MEIKIN: variants seen among roughly 807,000 people sequenced by gnomAD.
MEIKIN encodes meiotic kinetochore factor.
At chr5:131,914,157 C>T (rs1751374847) in intron 7 of MEIKIN, among the ~76,000 whole-genome samples, 3 of 152,048 alleles carry the variant, frequency 2.0e-5, no homozygotes, top group Admixed American at 2.0e-4. Flanking sequence ...CAGAGAGTCC[C>T]CATCAGCAAG....
chr5:131,828,514 C>A (rs776863157), intron 11 of MEIKIN, among the ~76,000 whole-genome samples: 1 of 151,892 alleles, frequency 6.6e-6, no homozygotes, highest in Admixed American at 6.6e-5. Context: ...GAGAATAGAA[C>A]AAAATGACAA....
At chr5:131,882,409 G>A (rs1386808871) in intron 8 of MEIKIN, among the ~76,000 whole-genome samples, 1 of 152,192 alleles carries the variant, frequency 6.6e-6, no homozygotes, top group Non-Finnish European at 1.5e-5. Flanking sequence ...TTTACAGCTT[G>A]CTCCTCTGGA....
At chr5:131,831,617 G>C (rs1399596350) in intron 11 of MEIKIN, among the ~76,000 whole-genome samples, 3 of 151,964 alleles carry the variant, frequency 2.0e-5, no homozygotes, top group Non-Finnish European at 4.4e-5. Flanking sequence ...TTTATTTTTG[G>C]CTTACACTAT....
chr5:131,903,700 C>G (rs1358928441), intron 8 of MEIKIN, among the ~76,000 whole-genome samples: 3 of 152,130 alleles, frequency 2.0e-5, no homozygotes, highest in Non-Finnish European at 4.4e-5. Context: ...AGTACATAGA[C>G]AAGTGACACT....
At chr5:131,831,289 C>T (rs1488857782) in intron 11 of MEIKIN, among the ~76,000 whole-genome samples, 1 of 152,196 alleles carries the variant, frequency 6.6e-6, no homozygotes. Flanking sequence ...GTGGCTCACA[C>T]CTGTAATTCC....
chr5:131,900,878 T>C (rs994050462), intron 8 of MEIKIN, among the ~76,000 whole-genome samples: 7 of 152,114 alleles, frequency 4.6e-5, no homozygotes, highest in Non-Finnish European at 1.0e-4. Context: ...AGCCCTCCCA[T>C]GCCCTCCCCC....
At chr5:131,873,065 C>G (rs1188197590) in intron 9 of MEIKIN, among the ~76,000 whole-genome samples, 1 of 152,174 alleles carries the variant, frequency 6.6e-6, no homozygotes, top group Non-Finnish European at 1.5e-5. Context: ...TAAAGACCAT[C>G]AAGGCTAGGA....
At chr5:131,944,859 A>G (rs1382637125) in intron 2 of MEIKIN, 107 bp from the exon 3 acceptor site, 23 of 398,416 alleles carry the variant, frequency 5.8e-5, no homozygotes, top group Non-Finnish European at 6.6e-5. Flanking sequence ...ATCTTTAGGA[A>G]GAAGTAAGGA....
chr5:131,938,390 T>A (rs781216285), intron 4 of MEIKIN, among the ~76,000 whole-genome samples: 30 of 152,078 alleles, frequency 2.0e-4, no homozygotes, highest in South Asian at 4.2e-4. Flanking sequence ...CTGGTCTCGA[T>A]CTCCTAGGCT....
chr5:131,816,364 TATA>T (rs1773098959), intron 12 of MEIKIN, among the ~76,000 whole-genome samples: 1 of 152,252 alleles, frequency 6.6e-6, no homozygotes, highest in African/African-American at 2.4e-5. Flanking sequence ...ATAAACTTTA[TATA>T]AACTTCAAGG....
chr5:131,911,217 T>C (rs1751330890), intron 8 of MEIKIN, among the ~76,000 whole-genome samples: 1 of 152,084 alleles, frequency 6.6e-6, no homozygotes. Context: ...TTAAGATAAC[T>C]TCTTAAAATG....
At chr5:131,872,514 A>T (rs1196592900) in intron 9 of MEIKIN, among the ~76,000 whole-genome samples, 1 of 152,234 alleles carries the variant, frequency 6.6e-6, no homozygotes, top group African/African-American at 2.4e-5. Flanking sequence ...GACCAAATCA[A>T]CATCTGATTG....
At position 131,807,236 on chromosome 5, in the gene MEIKIN, T is replaced by TC. The variant is rs1334162320; in HGVS notation, c.1121dup (p.Ter374TrpfsTer36). 1.5e-5 allele frequency: 6 copies of TC among 398,430 alleles called. No homozygotes were observed. The highest frequency in any genetic ancestry group is 2.2e-5 in the Non-Finnish European group (5 of 226,060). 24.7% of individuals were successfully genotyped at this position (398,430 alleles called of 1,614,324 possible). Reference sequence around the variant, plus strand: ...TGAAAATTCAGCCACAGCTGTTTTTTCATGCCATTTTTATTATGATATCTG... The same window carrying TC: ...TGAAAATTCAGCCACAGCTGTTTTTTCCATGCCATTTTTATTATGATATCTG... On this transcript the variant is annotated frameshift_variant and stop_lost, in exon 13 of 13. Transcript: ENST00000442687. LOFTEE classifies it high-confidence loss of function.
intron 10 of MEIKIN, among the ~76,000 whole-genome samples, chr5:131,851,789 A>G (rs2149615301): frequency 6.6e-6 from 1 of 152,342 alleles, no homozygotes; most frequent in South Asian, 2.1e-4. Context: ...AAAAAAGATG[A>G]CTGATTGATT....
At chr5:131,943,130 C>CA (rs1283164120) in intron 3 of MEIKIN, among the ~76,000 whole-genome samples, 1 of 151,730 alleles carries the variant, frequency 6.6e-6, no homozygotes. Context: ...TATGTATGTA[C>CA]AAAAGTATAG....
chr5:131,929,027 G>C (rs558334683), intron 5 of MEIKIN, among the ~76,000 whole-genome samples: 1 of 152,174 alleles, frequency 6.6e-6, no homozygotes, highest in Middle Eastern at 3.4e-3. Context: ...TGTTTGTCTG[G>C]GAAACTCCTT....
At chr5:131,923,565 C>A (rs149565791) in intron 5 of MEIKIN, among the ~76,000 whole-genome samples, 1 of 142,764 alleles carries the variant, frequency 7.0e-6, no homozygotes, top group African/African-American at 2.6e-5. Flanking sequence ...TCTGGTAAAT[C>A]TCAACTTAAT....
chr5:131,852,486 A>C (rs2149615568), intron 10 of MEIKIN, among the ~76,000 whole-genome samples: 1 of 152,324 alleles, frequency 6.6e-6, no homozygotes. Flanking sequence ...GGTCATAAAA[A>C]AGGAATGCAG....
rs569483378 is a variant in MEIKIN, at chr5:131,869,154, GA to G, written c.774+9823del. 1.6e-3 allele frequency among the ~76,000 whole-genome samples: 238 copies of G among 152,272 alleles called. 1 individual carries two copies. The highest frequency in any genetic ancestry group is 5.6e-3 in the African/African-American group (232 of 41,554). On this transcript the variant is annotated intron_variant, in intron 9 of 12. Transcript: ENST00000442687. Reference sequence around the variant, plus strand: ...ATGACCCATTGTGATTAATTCTTGTGAAGAGTATAAGGTCTGTGTCTAGGTT... The same window carrying G: ...ATGACCCATTGTGATTAATTCTTGTGAGAGTATAAGGTCTGTGTCTAGGTT...
Sources: allele counts gnomAD v4.1 joint callset (sites outside exome capture counted in the v4.1 genomes callset), GRCh38; gene constraint gnomAD v4.1.1; transcripts MANE v1.5; gene names NCBI Gene and HGNC (gene_info 2026-07-23, HGNC 2026-07-21).